LRP1B: variants seen among roughly 807,000 people sequenced by gnomAD.
LRP1B encodes LDL receptor related protein 1B.
A neutral mutation model predicts 556.6 loss-of-function variants in LRP1B; 217 were observed. The ratio of observed to expected loss-of-function variants is 0.39; its 90% CI spans 0.35 to 0.44. The LOEUF (loss-of-function observed/expected upper bound fraction) is 0.44, where lower values mean the gene tolerates loss of function less well. LRP1B is among the 20% of genes least tolerant of loss of function. The pLI is 1.00. For missense variants in LRP1B, 5,053 were observed against 5,620.8 expected (o/e 0.90, Z 3.23); for synonymous variants, 2,047 against 1,865.8 (o/e 1.10, Z -2.50).
In LRP1B at chr2:141,722,862, G is replaced by C. The variant is rs557247589; in HGVS notation, c.205+87417C>G. 2.0e-5 allele frequency among the ~76,000 whole-genome samples: 3 copies of C among 152,000 alleles called. No homozygotes were observed. The East Asian group carries it at 5.8e-4, about 30-fold the overall frequency. On this transcript the variant is annotated intron_variant, in intron 2 of 90. Transcript: ENST00000389484. ...TTTCTTGTTTAAGTTTTACATCATGGGCTTATTCATCCAAGTAAGCGTATG... is the reference window on the plus strand; with the variant it reads ...TTTCTTGTTTAAGTTTTACATCATGCGCTTATTCATCCAAGTAAGCGTATG...
At chr2:141,345,054 A>C (rs1034415890) in intron 3 of LRP1B, among the ~76,000 whole-genome samples, 3 of 152,190 alleles carry the variant, frequency 2.0e-5, no homozygotes, top group African/African-American at 7.2e-5. Flanking sequence ...TGAAAGGAGA[A>C]GTACGTTACA....
intron 85 of LRP1B, among the ~76,000 whole-genome samples, chr2:140,271,385 T>C (rs1481667339): frequency 6.6e-6 from 1 of 151,934 alleles, no homozygotes; most frequent in Non-Finnish European, 1.5e-5. Flanking sequence ...ACAATATCGA[T>C]TGATCACTTT....
chr2:142,000,406 A>G (rs6715423), intron 1 of LRP1B, among the ~76,000 whole-genome samples: 29,018 of 152,182 alleles, frequency 0.19, 3,135 homozygotes, highest in South Asian at 0.26. Context: ...TAATTTATAC[A>G]TAATTACAAT....
intron 59 of LRP1B, among the ~76,000 whole-genome samples, 180 bp from the exon 60 acceptor site, chr2:140,475,517 A>G (rs1687938713): frequency 6.6e-6 from 1 of 150,546 alleles, no homozygotes; most frequent in East Asian, 1.9e-4. Flanking sequence ...CACATCTAGT[A>G]TGATTTGAAA....
intron 1 of LRP1B, among the ~76,000 whole-genome samples, chr2:142,003,913 T>A (rs1702729628): frequency 6.6e-6 from 1 of 152,218 alleles, no homozygotes; most frequent in Non-Finnish European, 1.5e-5. Context: ...CTGCCTTCAC[T>A]TTTGTGGAGC....
chr2:141,835,496 G>T (rs1558907582), intron 1 of LRP1B, among the ~76,000 whole-genome samples: 1 of 151,448 alleles, frequency 6.6e-6, no homozygotes, highest in African/African-American at 2.4e-5. Flanking sequence ...GGTGGTGGTG[G>T]GGGGAGGGGA....
intron 20 of LRP1B, among the ~76,000 whole-genome samples, chr2:140,923,960 T>C (rs977404911): frequency 6.6e-6 from 1 of 152,066 alleles, no homozygotes; most frequent in Non-Finnish European, 1.5e-5. Flanking sequence ...AAAATTTGTT[T>C]TAAGATCTAA....
At chr2:141,397,539 C>T (rs995474836) in intron 3 of LRP1B, among the ~76,000 whole-genome samples, 4 of 151,766 alleles carry the variant, frequency 2.6e-5, no homozygotes, top group Non-Finnish European at 4.4e-5. Context: ...TGGAATAACG[C>T]ATTAAAGGAA....
At position 142,035,589 on chromosome 2, in the gene LRP1B, C is replaced by T. The variant is rs576893657; in HGVS notation, c.82+95059G>A. Among the ~76,000 whole-genome samples the T allele has an allele frequency of 6.6e-5, 10 of 151,716 alleles. No homozygotes were observed. The South Asian group carries it at 1.7e-3, about 25-fold the overall frequency. Reference sequence around the variant, plus strand: ...CTTTCTTATATAGTCAGAATAAGCACCGCTGCTTATGAGTTTTGTTTCCGT... The same window carrying T: ...CTTTCTTATATAGTCAGAATAAGCATCGCTGCTTATGAGTTTTGTTTCCGT... On this transcript the variant is annotated intron_variant, in intron 1 of 90. Coordinates refer to ENST00000389484, the MANE Select transcript of LRP1B (RefSeq NM_018557.3).
rs192503455 is a variant in LRP1B at position 140,493,825 on chromosome 2, A to G, written c.9035-1132T>C. Among the ~76,000 whole-genome samples the G allele has an allele frequency of 2.4e-4, 37 of 152,194 alleles. 1 individual carries two copies. In the East Asian group the frequency reaches 7.2e-3, roughly 29 times the overall value. On this transcript the variant is annotated intron_variant, in intron 56 of 90. Coordinates refer to ENST00000389484, the MANE Select transcript of LRP1B (RefSeq NM_018557.3). Reference sequence around the variant, plus strand: ...GGTATGACATTATGTTTCAGTATATACTATGTCACTCATGTTAAATACCCC... The same window carrying G: ...GGTATGACATTATGTTTCAGTATATGCTATGTCACTCATGTTAAATACCCC...
At position 141,757,218 on chromosome 2, in the gene LRP1B, A is replaced by T. The variant is rs545527592; in HGVS notation, c.205+53061T>A. The stretch of plus-strand genomic sequence containing the variant: ...ACTTAATTTAAAAAATAATTTTTGA[A>T]TACTCTTCTTATCGATTTCAAATAA... On this transcript the variant is annotated intron_variant, in intron 2 of 90. Transcript: ENST00000389484. Among the ~76,000 whole-genome samples, 11 of 152,282 alleles carry T rather than the reference A, an allele frequency of 7.2e-5. No individual in the cohort carries two copies. In the East Asian group the frequency reaches 2.1e-3, roughly 30 times the overall value.
chr2:141,773,275 CTT>C (rs1359805623), intron 2 of LRP1B, among the ~76,000 whole-genome samples: 1 of 152,120 alleles, frequency 6.6e-6, no homozygotes, highest in Non-Finnish European at 1.5e-5. Flanking sequence ...ACCAAAGTTT[CTT>C]TTAATTTTTT....
At chr2:141,213,819 GTTT>G (rs971133724) in intron 6 of LRP1B, among the ~76,000 whole-genome samples, 2 of 150,260 alleles carry the variant, frequency 1.3e-5, no homozygotes, top group African/African-American at 4.9e-5. Flanking sequence ...TTTTTTACTG[GTTT>G]TTTTTTCCTA....
At chr2:140,955,303 G>A (rs183318799) in intron 18 of LRP1B, among the ~76,000 whole-genome samples, 90 of 151,890 alleles carry the variant, frequency 5.9e-4, no homozygotes, top group African/African-American at 2.2e-3. Context: ...GTTGAAAATA[G>A]CATCTGAATA....
intron 35 of LRP1B, among the ~76,000 whole-genome samples, chr2:140,750,986 T>C (rs1398113591): frequency 8.7e-6 from 1 of 115,072 alleles, no homozygotes; most frequent in South Asian, 3.0e-4. Flanking sequence ...TAACTCTTTT[T>C]TTTTCTTTTT....
intron 3 of LRP1B, among the ~76,000 whole-genome samples, chr2:141,413,807 G>T (rs1360488013): frequency 1.3e-5 from 2 of 151,896 alleles, no homozygotes; most frequent in African/African-American, 4.8e-5. Context: ...AGCACAGGGA[G>T]GTTGAGGCTG....
At position 140,640,383 on chromosome 2, in the gene LRP1B, C is replaced by CTTTTTTTTTTTTTTT. The variant is rs70988414; in HGVS notation, c.6800-38759_6800-38745dup. On this transcript the variant is annotated intron_variant, in intron 41 of 90. Coordinates refer to ENST00000389484, the MANE Select transcript of LRP1B (RefSeq NM_018557.3). Reference sequence around the variant, plus strand: ...ATCCACTATTCCCTTGTCCTGTTTTCTTTTTTTTTTTTTTTTTTTTTTTTT... The same window carrying CTTTTTTTTTTTTTTT: ...ATCCACTATTCCCTTGTCCTGTTTTCTTTTTTTTTTTTTTTTTTTTTTTTTTTTTTTTTTTTTTTT... Among the ~76,000 whole-genome samples, 6 of 48,500 alleles carry CTTTTTTTTTTTTTTT rather than the reference C, an allele frequency of 1.2e-4. 1 individual carries two copies. Among genetic ancestry groups the CTTTTTTTTTTTTTTT allele is most frequent in the Non-Finnish European group, 1.4e-4 (4 of 28,326 alleles). 31.8% of individuals were successfully genotyped at this position (48,500 alleles called of 152,430 possible).
intron 23 of LRP1B, among the ~76,000 whole-genome samples, chr2:140,887,426 G>A (rs1260668857): frequency 6.6e-6 from 1 of 152,066 alleles, no homozygotes; most frequent in Non-Finnish European, 1.5e-5. Flanking sequence ...TGAAAATCTA[G>A]TCCTCCCAGA....
chr2:142,094,460 T>C (rs1044595563), intron 1 of LRP1B, among the ~76,000 whole-genome samples: 2 of 152,050 alleles, frequency 1.3e-5, no homozygotes, highest in Non-Finnish European at 2.9e-5. Flanking sequence ...CTTCAACTGA[T>C]GTATAGCTAT....
Sources: allele counts gnomAD v4.1 joint callset (sites outside exome capture counted in the v4.1 genomes callset), GRCh38; gene constraint gnomAD v4.1.1; transcripts MANE v1.5; gene names NCBI Gene and HGNC (gene_info 2026-07-23, HGNC 2026-07-21).